TENM3: variants seen among roughly 807,000 people sequenced by gnomAD.
TENM3 encodes the protein teneurin-3.
TENM3 carries 63 observed loss-of-function variants against 255.1 expected under a neutral mutation model. The observed-to-expected ratio is 0.25, with a 90% CI of 0.20 to 0.30. The LOEUF (loss-of-function observed/expected upper bound fraction) is 0.30. Among genes scored for constraint, TENM3 ranks in the 10% least tolerant of loss-of-function variants. TENM3 has a pLI of 1.00. For synonymous variants in TENM3, 1,306 were observed against 1,322.3 expected (o/e 0.99, Z 0.27); for missense variants, 2,929 against 3,461.1 (o/e 0.85, Z 3.86).
the TENM3 span, among the ~76,000 whole-genome samples, chr4:181,888,752 G>A: frequency 0.013 from 1,987 of 150,552 alleles, 57 homozygotes; most frequent in African/African-American, 0.045. Flanking sequence ...TTGGGGCAGG[G>A]GTCCGTTGGA....
the TENM3 span, among the ~76,000 whole-genome samples, chr4:181,698,146 G>A: frequency 7.1e-4 from 107 of 151,504 alleles, no homozygotes; most frequent in Middle Eastern, 3.4e-3. Context: ...ACCGGGAGGC[G>A]GAGGTTGCAG....
intron 3 of TENM3, among the ~76,000 whole-genome samples, chr4:182,505,663 A>G (rs1333630314): frequency 6.6e-6 from 1 of 151,916 alleles, no homozygotes; most frequent in Non-Finnish European, 1.5e-5. Flanking sequence ...TATTTTCAGT[A>G]GAGACGGGGT....
chr4:182,387,196 G>T (rs1768011460), intron 3 of TENM3, among the ~76,000 whole-genome samples: 1 of 151,674 alleles, frequency 6.6e-6, no homozygotes, highest in Non-Finnish European at 1.5e-5. Flanking sequence ...ACACCAATCG[G>T]CAATCTGTAT....
the TENM3 span, among the ~76,000 whole-genome samples, chr4:181,674,976 AC>A: frequency 6.6e-6 from 1 of 152,104 alleles, no homozygotes; most frequent in Non-Finnish European, 1.5e-5. Context: ...TCATTCCAAC[AC>A]CTAGTTCAGT....
At chr4:181,642,739 C>T in the TENM3 span, among the ~76,000 whole-genome samples, 1 of 152,094 alleles carries the variant, frequency 6.6e-6, no homozygotes, top group South Asian at 2.1e-4. Flanking sequence ...CCAGTTTTCC[C>T]AACATCATTT....
intron 3 of TENM3, among the ~76,000 whole-genome samples, chr4:182,444,514 C>T (rs921961): frequency 0.56 from 85,436 of 151,904 alleles, 24,304 homozygotes; most frequent in South Asian, 0.63. Flanking sequence ...TATTGACCTA[C>T]GACAATCCCT....
the TENM3 span, among the ~76,000 whole-genome samples, chr4:181,971,451 A>G: frequency 6.6e-6 from 1 of 152,248 alleles, no homozygotes; most frequent in African/African-American, 2.4e-5. Flanking sequence ...AGAAAAATTC[A>G]TGGCAGAGTA....
the TENM3 span, among the ~76,000 whole-genome samples, chr4:181,467,780 G>A: frequency 6.6e-6 from 1 of 152,012 alleles, no homozygotes; most frequent in African/African-American, 2.4e-5. Flanking sequence ...AAAAGATGTT[G>A]GTGATGTGAG....
In TENM3 at chr4:182,463,049, G is replaced by A. The variant is rs541801012; in HGVS notation, c.511+116120G>A. On this transcript the variant is annotated intron_variant, in intron 3 of 27. Coordinates refer to ENST00000511685, the MANE Select transcript of TENM3 (RefSeq NM_001080477.4). ...CACATCTAGTCAGCCCTCCCCGTGT[G>A]CAGGTTCTGCATCCCATAATTTTGA... Among the ~76,000 whole-genome samples, 11 of 152,172 alleles carry A rather than the reference G, an allele frequency of 7.2e-5. 1 individual carries two copies. Among genetic ancestry groups the A allele is most frequent in the Middle Eastern group, 3.4e-3 (1 of 294 alleles).
chr4:182,610,051 T>A (rs1748836560), intron 4 of TENM3, among the ~76,000 whole-genome samples: 1 of 152,314 alleles, frequency 6.6e-6, no homozygotes, highest in South Asian at 2.1e-4. Context: ...TGCAGATTTT[T>A]TGACAGTAAG....
At chr4:182,014,720 G>A in the TENM3 span, among the ~76,000 whole-genome samples, 1 of 152,112 alleles carries the variant, frequency 6.6e-6, no homozygotes, top group Non-Finnish European at 1.5e-5. Context: ...CTGGGGAAGC[G>A]TTTAGCCTCA....
At chr4:182,674,862 CGT>C (rs1456031583) in intron 7 of TENM3, among the ~76,000 whole-genome samples, 1 of 151,968 alleles carries the variant, frequency 6.6e-6, no homozygotes, top group Non-Finnish European at 1.5e-5. Context: ...TGAGCCACCG[CGT>C]CTGGGCTATT....
the TENM3 span, among the ~76,000 whole-genome samples, chr4:182,114,378 G>GC: frequency 1.3e-5 from 2 of 151,252 alleles, no homozygotes; most frequent in Non-Finnish European, 3.0e-5. Context: ...TAATCCCCTC[G>GC]CTTTTTCTCC....
intron 3 of TENM3, among the ~76,000 whole-genome samples, chr4:182,414,487 A>G (rs191823460): frequency 1.3e-5 from 2 of 152,330 alleles, no homozygotes; most frequent in East Asian, 1.9e-4. Context: ...CAGAAAAATT[A>G]GTTTTTAATA....
At chr4:181,854,536 C>T in the TENM3 span, among the ~76,000 whole-genome samples, 4 of 152,176 alleles carry the variant, frequency 2.6e-5, no homozygotes, top group Non-Finnish European at 4.4e-5. Context: ...GACTTTACTA[C>T]ACTGTTAAAT....
the TENM3 span, among the ~76,000 whole-genome samples, chr4:181,677,103 T>C: frequency 0.014 from 2,174 of 152,018 alleles, 47 homozygotes; most frequent in African/African-American, 0.049. Context: ...AAAACTTCAT[T>C]TTAATATTGT....
At chr4:182,521,813 G>C (rs1015703763) in intron 3 of TENM3, among the ~76,000 whole-genome samples, 1 of 152,082 alleles carries the variant, frequency 6.6e-6, no homozygotes, top group Non-Finnish European at 1.5e-5. Flanking sequence ...AACCAGGAAC[G>C]TTATAGTCCA....
chr4:181,752,902 C>G, the TENM3 span, among the ~76,000 whole-genome samples: 3 of 151,902 alleles, frequency 2.0e-5, no homozygotes, highest in Non-Finnish European at 4.4e-5. Context: ...ACTGACGAGA[C>G]TTATCCCATG....
intron 6 of TENM3, among the ~76,000 whole-genome samples, chr4:182,664,254 A>C (rs1754461097): frequency 6.6e-6 from 1 of 152,122 alleles, no homozygotes; most frequent in African/African-American, 2.4e-5. Flanking sequence ...AAATATTTCA[A>C]ACTTTTTCAT....
Sources: gnomAD v4.1 joint callset for allele counts (sites outside exome capture counted in the v4.1 genomes callset) on GRCh38, gnomAD v4.1.1 for gene constraint, MANE v1.5 for transcripts, NCBI Gene and HGNC (gene_info 2026-07-23, HGNC 2026-07-21) for gene names.